Variants in XPR1 observed in about 807,000 individuals in gnomAD.
XPR1 encodes the protein xenotropic and polytropic retrovirus receptor 1, also known as solute carrier family 53 member 1.
XPR1 carries 28 observed loss-of-function variants against 87.5 expected under a neutral mutation model. The observed-to-expected ratio is 0.32, with a 90% confidence interval of 0.24 to 0.44. The LOEUF (loss-of-function observed/expected upper bound fraction) is 0.44, where lower values mean the gene tolerates loss of function less well. Ranked by LOEUF, XPR1 falls within the 20% of genes least tolerant of loss-of-function variation. The pLI is 1.00. For missense variants in XPR1, 559 were observed against 862.3 expected (o/e 0.65, Z 4.41); for synonymous variants, 300 against 306.1 (o/e 0.98, Z 0.21).
chr1:180,709,333 C>T (rs1258085197), intron 2 of XPR1, among the ~76,000 whole-genome samples: 1 of 152,150 alleles, frequency 6.6e-6, no homozygotes, highest in East Asian at 1.9e-4. Context: ...TTAAAGTGTG[C>T]AATTTGATAA....
chr1:180,733,424 C>G (rs1344712986), intron 2 of XPR1, among the ~76,000 whole-genome samples: 1 of 152,160 alleles, frequency 6.6e-6, no homozygotes, highest in Non-Finnish European at 1.5e-5. Flanking sequence ...GCAGAGTTTC[C>G]TTGTTCATCC....
chr1:180,767,286 A>G (rs1392408396), intron 2 of XPR1, among the ~76,000 whole-genome samples: 1 of 152,226 alleles, frequency 6.6e-6, no homozygotes, highest in Non-Finnish European at 1.5e-5. Context: ...AAATAAAACC[A>G]TTATAGTAGG....
At position 180,698,008 on chromosome 1, in the gene XPR1, G is replaced by C. The variant is rs546102486; in HGVS notation, c.121+15597G>C. On this transcript the variant is annotated intron_variant, in intron 2 of 14. Coordinates refer to ENST00000367590, the MANE Select transcript of XPR1 (RefSeq NM_004736.4). Reference sequence around the variant, plus strand: ...GATGTTTATTTGTTTATTTTCTGTCGAGATGATTGATCCAATGGTGAGAGT... The same window carrying C: ...GATGTTTATTTGTTTATTTTCTGTCCAGATGATTGATCCAATGGTGAGAGT... 2.6e-5 allele frequency among the ~76,000 whole-genome samples: 4 copies of C among 152,122 alleles called. No individual in the cohort carries two copies. The South Asian group carries it at 8.3e-4, about 32-fold the overall frequency.
chr1:180,827,580 G>C (rs953082759), intron 9 of XPR1, among the ~76,000 whole-genome samples: 4 of 152,098 alleles, frequency 2.6e-5, no homozygotes, highest in South Asian at 4.1e-4. Context: ...AGCAGTAATA[G>C]AATAATAAAA....
At chr1:180,725,953 G>A (rs1325180243) in intron 2 of XPR1, among the ~76,000 whole-genome samples, 1 of 152,214 alleles carries the variant, frequency 6.6e-6, no homozygotes, top group African/African-American at 2.4e-5. Context: ...ATGAGATAAT[G>A]TATGTTAAAT....
chr1:180,784,706 G>A (rs2102085371), intron 2 of XPR1, among the ~76,000 whole-genome samples: 2 of 151,826 alleles, frequency 1.3e-5, no homozygotes. Context: ...CTAAATTGAT[G>A]GCTGGTTCAC....
intron 1 of XPR1, among the ~76,000 whole-genome samples, chr1:180,637,050 C>CAAAAAAA (rs34479247): frequency 6.1e-5 from 5 of 81,598 alleles, no homozygotes; most frequent in South Asian, 4.2e-4. Context: ...GACTTCATCT[C>CAAAAAAA]AAAAAAAAAA....
intron 2 of XPR1, among the ~76,000 whole-genome samples, chr1:180,696,202 GTGTGTGTATATATA>G (rs1273341655): frequency 2.8e-5 from 3 of 106,350 alleles, no homozygotes; most frequent in Admixed American, 9.4e-5. Flanking sequence ...GTGTGTGTGT[GTGTGTGTATATATA>G]TATATATATA....
At chr1:180,751,957 G>C (rs185225672) in intron 2 of XPR1, among the ~76,000 whole-genome samples, 1 of 152,086 alleles carries the variant, frequency 6.6e-6, no homozygotes, top group South Asian at 2.1e-4. Flanking sequence ...GGGAATAAAC[G>C]TGTCGCCCAT....
At chr1:180,750,412 C>T (rs1647489259) in intron 2 of XPR1, among the ~76,000 whole-genome samples, 1 of 152,034 alleles carries the variant, frequency 6.6e-6, no homozygotes, top group African/African-American at 2.4e-5. Flanking sequence ...AGCCTTTACA[C>T]GTTTTTGGTC....
intron 1 of XPR1, among the ~76,000 whole-genome samples, chr1:180,665,592 G>T (rs1655928133): frequency 6.6e-6 from 1 of 152,182 alleles, no homozygotes; most frequent in Non-Finnish European, 1.5e-5. Context: ...TGGACTAAAT[G>T]CTCCTTCCAT....
intron 8 of XPR1, 36 bp downstream of exon 8, chr1:180,824,979 GTT>G: frequency 1.3e-6 from 2 of 1,598,360 alleles, no homozygotes; most frequent in South Asian, 2.3e-5. Flanking sequence ...CATGAATATA[GTT>G]TGCATTAGCT....
intron 1 of XPR1, among the ~76,000 whole-genome samples, chr1:180,679,231 G>T (rs1022394272): frequency 6.6e-6 from 1 of 151,700 alleles, no homozygotes; most frequent in Non-Finnish European, 1.5e-5. Flanking sequence ...AAAAACGGTG[G>T]GTTACCATGG....
intron 2 of XPR1, among the ~76,000 whole-genome samples, chr1:180,721,655 TTA>T: frequency 6.6e-6 from 1 of 152,324 alleles, no homozygotes; most frequent in East Asian, 1.9e-4. Flanking sequence ...GCAGGTCTAC[TTA>T]TATTGGATTT....
At chr1:180,809,321 A>G (rs759932700) in intron 6 of XPR1, among the ~76,000 whole-genome samples, 29 of 152,146 alleles carry the variant, frequency 1.9e-4, no homozygotes, top group Non-Finnish European at 3.2e-4. Context: ...GGAGTCGTGG[A>G]TATGTTCTTT....
intron 2 of XPR1, among the ~76,000 whole-genome samples, chr1:180,743,307 A>G (rs965284180): frequency 6.6e-6 from 1 of 151,094 alleles, no homozygotes; most frequent in African/African-American, 2.4e-5. Context: ...GTTATTTTTA[A>G]TGGTTGCTTC....
intron 1 of XPR1, among the ~76,000 whole-genome samples, chr1:180,667,333 T>G (rs1655998300): frequency 6.6e-6 from 1 of 152,218 alleles, no homozygotes; most frequent in South Asian, 2.1e-4. Flanking sequence ...AATGTGTTTA[T>G]CAATTCAAGT....
At chr1:180,637,043 T>G (rs1654802915) in intron 1 of XPR1, among the ~76,000 whole-genome samples, 1 of 105,760 alleles carries the variant, frequency 9.5e-6, no homozygotes. Context: ...AGAGTAAGAC[T>G]TCATCTCAAA....
At chr1:180,802,710 C>T (rs1341695202) in intron 3 of XPR1, among the ~76,000 whole-genome samples, 1 of 152,206 alleles carries the variant, frequency 6.6e-6, no homozygotes, top group African/African-American at 2.4e-5. Context: ...CCATGGCAAG[C>T]AGTAATCTAC....
Sources: allele counts gnomAD v4.1 joint callset (sites outside exome capture counted in the v4.1 genomes callset), GRCh38; gene constraint gnomAD v4.1.1; transcripts MANE v1.5; gene names NCBI Gene and HGNC (gene_info 2026-07-23, HGNC 2026-07-21).